PIK3C2B: variants seen among roughly 807,000 people sequenced by gnomAD.
The protein encoded by PIK3C2B is phosphatidylinositol-4-phosphate 3-kinase catalytic subunit type 2 beta.
PIK3C2B carries 83 observed loss-of-function variants against 184.3 expected under a neutral mutation model. The observed-to-expected ratio is 0.45, with a 90% CI of 0.38 to 0.54. PIK3C2B has a LOEUF of 0.54. Ranked by LOEUF, PIK3C2B falls within the 20% of genes least tolerant of loss-of-function variation. PIK3C2B has a pLI of 0.00. For synonymous variants in PIK3C2B, 779 were observed against 837.6 expected (o/e 0.93, Z 1.21); for missense variants, 1,736 against 2,113.5 (o/e 0.82, Z 3.50).
chr1:204,432,293 AAAG>A lies in PIK3C2B; in HGVS notation c.4059_4061del (p.Phe1354del). 1 of 1,614,132 alleles carries A rather than the reference AAAG, an allele frequency of 6.2e-7. No individual in the cohort carries two copies. Among genetic ancestry groups the A allele is most frequent in the Non-Finnish European group, 8.5e-7 (1 of 1,180,008 alleles). On this transcript the variant is annotated inframe_deletion, in exon 27 of 33. Coordinates refer to ENST00000684373, the MANE Select transcript of PIK3C2B (RefSeq NM_001377334.1). ...TCTTGAGAGTGTGTGTTCGGGAGGCAAAGGAGAGGGTCAGCCGGTCATCTGAGC... is the reference window on the plus strand; with the variant it reads ...TCTTGAGAGTGTGTGTTCGGGAGGCAGAGAGGGTCAGCCGGTCATCTGAGC...
At chr1:204,472,264 T>C (rs1231400059) in intron 1 of PIK3C2B, among the ~76,000 whole-genome samples, 1 of 151,226 alleles carries the variant, frequency 6.6e-6, no homozygotes, top group African/African-American at 2.4e-5. Flanking sequence ...CCCAGGTTCA[T>C]GCCATTCTCC....
Position 204,442,519 on chromosome 1 carries a change from C to G in PIK3C2B, c.3156+7G>C. ...CTCTGAGAGCCCCAAACCTACCAGT[C>G]ACTCACCCTGGGCACAATTCCCTTA... On this transcript the variant is annotated splice_region_variant and intron_variant, in intron 20 of 32. Coordinates refer to ENST00000684373, the MANE Select transcript of PIK3C2B (RefSeq NM_001377334.1). 9 of 1,542,662 alleles carry G rather than the reference C, an allele frequency of 5.8e-6. No homozygotes were observed. The highest frequency in any genetic ancestry group is 7.9e-6 in the Non-Finnish European group (9 of 1,138,658).
chr1:204,451,764 G>A (rs1654380110), intron 12 of PIK3C2B, among the ~76,000 whole-genome samples: 1 of 152,240 alleles, frequency 6.6e-6, no homozygotes, highest in South Asian at 2.1e-4. Context: ...TATACAGATA[G>A]TATTTTCATG....
intron 23 of PIK3C2B, among the ~76,000 whole-genome samples, chr1:204,435,063 T>C (rs1299330579): frequency 6.6e-6 from 1 of 152,224 alleles, no homozygotes; most frequent in Non-Finnish European, 1.5e-5. Context: ...CTGCTCAGAA[T>C]TCTATCATCC....
At chr1:204,439,148 C>T in intron 22 of PIK3C2B, 77 bp from the exon 23 acceptor site, 2 of 1,435,290 alleles carry the variant, frequency 1.4e-6, no homozygotes, top group East Asian at 4.7e-5. Flanking sequence ...AAGGACTGTG[C>T]TCATGCTTCC....
chr1:204,453,040 A>T (rs2103493472), intron 12 of PIK3C2B, among the ~76,000 whole-genome samples: 1 of 152,274 alleles, frequency 6.6e-6, no homozygotes, highest in African/African-American at 2.4e-5. Flanking sequence ...GTCCATCTGT[A>T]AAAGGACCCA....
At position 204,469,167 on chromosome 1, in the gene PIK3C2B, C is replaced by G. The variant is rs759954178; in HGVS notation, c.636G>C (p.Glu212Asp). 1.9e-6 allele frequency: 3 copies of G among 1,614,106 alleles called. No individual in the cohort carries two copies. The South Asian group carries it at 3.3e-5, about 18-fold the overall frequency. The change falls in exon 2 of 33, where the codon GAG (glutamate) becomes GAC (aspartate). Residue 212 changes from glutamate to aspartate, a missense_variant. Physicochemically the swap from Glu to Asp is conservative, Grantham distance 45 (BLOSUM62 2). Around this residue, in one of 8 missense-constraint regions of PIK3C2B, gnomAD observed 404 missense variants for 418.0 expected, o/e 0.97. Transcript: ENST00000684373. ...GCCCCTGACCCCCACCTCCCAGCAC[C>G]TCTTCCTCTTCTAGGATCCGATGCT... ...LLEHRILEEE[E>D]VLGGGGQGRL...
intron 1 of PIK3C2B, among the ~76,000 whole-genome samples, chr1:204,480,273 G>T (rs928186458): frequency 6.6e-6 from 1 of 152,166 alleles, no homozygotes; most frequent in African/African-American, 2.4e-5. Context: ...TGATTGTTAG[G>T]GTGCTTTCTG....
chr1:204,452,649 T>TC (rs1248293841), intron 12 of PIK3C2B, among the ~76,000 whole-genome samples: 2 of 104,978 alleles, frequency 1.9e-5, no homozygotes, highest in African/African-American at 6.1e-5. Flanking sequence ...ACACCCCATG[T>TC]CCTTTTTTTT....
chr1:204,429,802 C>G, intron 29 of PIK3C2B, 119 bp downstream of exon 29: 1 of 701,046 alleles, frequency 1.4e-6, no homozygotes, highest in Non-Finnish European at 2.6e-6. Context: ...ATTCAGCCCA[C>G]AGACCCCGAA....
chr1:204,425,545 C>T (rs190354186), intron 32 of PIK3C2B, 68 bp downstream of exon 32: 65 of 1,536,640 alleles, frequency 4.2e-5, no homozygotes, highest in East Asian at 2.7e-4. Context: ...TTCTTCAATA[C>T]GACTTTATCT....
intron 1 of PIK3C2B, among the ~76,000 whole-genome samples, chr1:204,480,002 G>A (rs1657003614): frequency 6.6e-6 from 1 of 152,174 alleles, no homozygotes; most frequent in Non-Finnish European, 1.5e-5. Context: ...GCCTCCGCAG[G>A]TCTTCTGCAC....
rs1462023213 is a variant in PIK3C2B at position 204,468,933 on chromosome 1, G to A, written c.870C>T (p.Ala290=). Residue 290 remains alanine, a synonymous_variant, in exon 2 of 33, where the codon GCC becomes GCT. Coordinates refer to ENST00000684373, the MANE Select transcript of PIK3C2B (RefSeq NM_001377334.1). The part of the protein sequence containing the change: ...MPPQVPPRTY[A]SRYGNRKNAT... Reference sequence around the variant, plus strand: ...CATTCTTTCGGTTGCCATAGCGGGAGGCATAGGTGCGGGGGGGCACCTGAG... The same window carrying A: ...CATTCTTTCGGTTGCCATAGCGGGAAGCATAGGTGCGGGGGGGCACCTGAG... 3.1e-6 allele frequency: 5 copies of A among 1,612,062 alleles called. No individual in the cohort carries two copies. The highest frequency in any genetic ancestry group is 4.2e-6 in the Non-Finnish European group (5 of 1,178,748).
chr1:204,454,652 C>T lies in PIK3C2B; in HGVS notation c.2066+17G>A, dbSNP rs962268688. On this transcript the variant is annotated intron_variant, in intron 12 of 32. Transcript: ENST00000684373. ...TCTACAGTGGCCTGGGCACTGAAGC[C>T]TGGGGGAAGGGCTTACTGCTGGTCC... 3 of 1,611,590 alleles carry T rather than the reference C, an allele frequency of 1.9e-6. No homozygotes were observed. In the African/African-American group the frequency reaches 4.0e-5, roughly 22 times the overall value.
chr1:204,466,916 T>C, intron 2 of PIK3C2B: 1 of 533,086 alleles, frequency 1.9e-6, no homozygotes, highest in Non-Finnish European at 3.8e-6. Context: ...ATAAGGAGGT[T>C]CCCTCTGGCT....
At position 204,425,037 on chromosome 1, in the gene PIK3C2B, C is replaced by A. The variant is rs1315554768; in HGVS notation, c.4720G>T (p.Val1574Leu). 1 of 1,612,662 alleles carries A rather than the reference C, an allele frequency of 6.2e-7. No homozygotes were observed. Among genetic ancestry groups the A allele is most frequent in the African/African-American group, 1.3e-5 (1 of 74,882 alleles). ...TCACCCTTGGGGATCCCATCATATACCAACTGCAAACATAGAGATGGGTGA... is the reference window on the plus strand; with the variant it reads ...TCACCCTTGGGGATCCCATCATATAACAACTGCAAACATAGAGATGGGTGA... Reference protein sequence around the residue: ...TCNPTYNEMLVYDGIPKGDLQ... With the variant: ...TCNPTYNEMLLYDGIPKGDLQ... Residue 1574 changes from valine to leucine, a missense_variant, in exon 33 of 33, where the codon GTA (valine) becomes TTA (leucine). By Grantham distance (32) the Val-to-Leu change is conservative. Transcript: ENST00000684373.
At chr1:204,467,309 G>A (rs1301136432) in intron 2 of PIK3C2B, 1 of 179,830 alleles carries the variant, frequency 5.6e-6, no homozygotes, top group East Asian at 1.6e-4. Context: ...CCACCTCTCA[G>A]AGCAGGGCCT....
chr1:204,440,435 T>A (rs1051915667), intron 21 of PIK3C2B, 114 bp from the exon 22 acceptor site: 2 of 1,118,378 alleles, frequency 1.8e-6, no homozygotes, highest in Non-Finnish European at 2.5e-6. Context: ...TTCCCCAGCC[T>A]CACACCCCTG....
At chr1:204,481,426 T>C (rs1389160088) in intron 1 of PIK3C2B, among the ~76,000 whole-genome samples, 2 of 151,728 alleles carry the variant, frequency 1.3e-5, no homozygotes, top group Admixed American at 1.3e-4. Flanking sequence ...CCCAGCTAAT[T>C]TTTTGTATTT....
Sources: allele counts gnomAD v4.1 joint callset (sites outside exome capture counted in the v4.1 genomes callset), GRCh38; gene constraint gnomAD v4.1.1; regional missense constraint gnomAD v4.1.1; transcripts MANE v1.5; gene names NCBI Gene and HGNC (gene_info 2026-07-23, HGNC 2026-07-21).